Variants in TAFA1 observed in about 807,000 individuals in gnomAD.
The protein encoded by TAFA1 is TAFA chemokine like family member 1, also known as chemokine-like protein TAFA-1.
Under a neutral mutation model 18.5 loss-of-function variants are expected in TAFA1, and 4 were observed. The ratio of observed to expected loss-of-function variants is 0.22; its 90% confidence interval spans 0.11 to 0.49. TAFA1 has a LOEUF of 0.49. Among genes scored for constraint, TAFA1 ranks in the 20% least tolerant of loss-of-function variants. TAFA1 has a pLI of 0.98. For missense variants in TAFA1, 147 were observed against 169.0 expected, an observed-to-expected ratio of 0.87 and a Z score of 0.72; for synonymous variants, 56 against 55.2, an observed-to-expected ratio of 1.01 and a Z score of -0.06.
In TAFA1 at chr3:68,429,889, A is replaced by G. The variant is rs183690836; in HGVS notation, c.259+12469A>G. Among the ~76,000 whole-genome samples the G allele has an allele frequency of 2.0e-3, 300 of 151,892 alleles. 2 individuals carry two copies. Among genetic ancestry groups the G allele is most frequent in the African/African-American group, 6.8e-3 (282 of 41,472 alleles). On this transcript the variant is annotated intron_variant, in intron 3 of 4. Transcript: ENST00000478136. Reference sequence around the variant, plus strand: ...AACAGCCTGTATAACATTTCTCATAACTCACTGTAATGTACTATAATCTTT... The same window carrying G: ...AACAGCCTGTATAACATTTCTCATAGCTCACTGTAATGTACTATAATCTTT...
At chr3:68,424,908 C>A (rs2071023201) in intron 3 of TAFA1, among the ~76,000 whole-genome samples, 1 of 151,918 alleles carries the variant, frequency 6.6e-6, no homozygotes, top group Non-Finnish European at 1.5e-5. Flanking sequence ...GACTTGGGGC[C>A]ATGATGCTGT....
At chr3:68,383,542 G>C (rs1370076482) in intron 2 of TAFA1, among the ~76,000 whole-genome samples, 2 of 151,972 alleles carry the variant, frequency 1.3e-5, no homozygotes, top group African/African-American at 4.8e-5. Context: ...TACTTGATCG[G>C]GTGGAGAAGC....
At chr3:68,040,259 C>A (rs528375628) in intron 2 of TAFA1, among the ~76,000 whole-genome samples, 6 of 152,294 alleles carry the variant, frequency 3.9e-5, no homozygotes, top group Non-Finnish European at 8.8e-5. Context: ...CTCACCTGCT[C>A]CATCGTTCAG....
At chr3:68,396,873 A>G (rs1025251868) in intron 2 of TAFA1, among the ~76,000 whole-genome samples, 4 of 152,206 alleles carry the variant, frequency 2.6e-5, no homozygotes, top group Non-Finnish European at 5.9e-5. Context: ...GAATAGAATA[A>G]GAACATTTTT....
chr3:68,503,518 G>C (rs2072696459), intron 3 of TAFA1, among the ~76,000 whole-genome samples: 1 of 152,088 alleles, frequency 6.6e-6, no homozygotes, highest in Non-Finnish European at 1.5e-5. Context: ...AGGTCAATAG[G>C]GGCTGTGAGG....
intron 3 of TAFA1, among the ~76,000 whole-genome samples, chr3:68,436,790 G>T (rs530261545): frequency 6.6e-6 from 1 of 152,214 alleles, no homozygotes; most frequent in South Asian, 2.1e-4. Flanking sequence ...AATGAACAGC[G>T]AGTCACTGGT....
Position 68,086,312 on chromosome 3 carries a change from T to G in TAFA1, c.118+79568T>G, listed in dbSNP as rs549986003. Reference sequence around the variant, plus strand: ...AACCAGGGTCAGGTGTCAGTAACTGTGTAGAATACAGGGTATCTTTAGGGC... The same window carrying G: ...AACCAGGGTCAGGTGTCAGTAACTGGGTAGAATACAGGGTATCTTTAGGGC... On this transcript the variant is annotated intron_variant, in intron 2 of 4. Transcript: ENST00000478136. Among the ~76,000 whole-genome samples, 3 of 152,346 alleles carry G rather than the reference T, an allele frequency of 2.0e-5. No individual in the cohort carries two copies. In the South Asian group the frequency reaches 6.2e-4, roughly 32 times the overall value.
Position 68,062,787 on chromosome 3 carries a change from C to T in TAFA1, c.118+56043C>T, listed in dbSNP as rs188505124. On this transcript the variant is annotated intron_variant, in intron 2 of 4. Coordinates refer to ENST00000478136, the MANE Select transcript of TAFA1 (RefSeq NM_213609.4). ...TGGCTTGGTTAAGAGATAACCATAACGAAGAAGCAGTCCTCATGGGTTGAA... is the reference window on the plus strand; with the variant it reads ...TGGCTTGGTTAAGAGATAACCATAATGAAGAAGCAGTCCTCATGGGTTGAA... Among the ~76,000 whole-genome samples the T allele has an allele frequency of 2.0e-3, 302 of 152,264 alleles. 2 individuals are homozygous for T. The highest frequency in any genetic ancestry group is 6.8e-3 in the African/African-American group (283 of 41,538).
In TAFA1 at chr3:68,429,329, A is replaced by G. The variant is rs191740269; in HGVS notation, c.259+11909A>G. Reference sequence around the variant, plus strand: ...CCAGACTCTGTGTATTGAATTTATTACTTATATCATCCTTATAATAGCCTT... The same window carrying G: ...CCAGACTCTGTGTATTGAATTTATTGCTTATATCATCCTTATAATAGCCTT... On this transcript the variant is annotated intron_variant, in intron 3 of 4. Coordinates refer to ENST00000478136, the MANE Select transcript of TAFA1 (RefSeq NM_213609.4). Among the ~76,000 whole-genome samples the G allele has an allele frequency of 2.4e-4, 36 of 152,050 alleles. No individual in the cohort carries two copies. The East Asian group carries it at 7.0e-3, about 30-fold the overall frequency.
At chr3:68,482,254 G>A (rs754119313) in intron 3 of TAFA1, among the ~76,000 whole-genome samples, 9 of 152,114 alleles carry the variant, frequency 5.9e-5, no homozygotes, top group Non-Finnish European at 1.2e-4. Context: ...TGATCCGCCC[G>A]CCTCGGCCTC....
chr3:68,383,106 A>C (rs1336650160), intron 2 of TAFA1, among the ~76,000 whole-genome samples: 2 of 152,178 alleles, frequency 1.3e-5, no homozygotes, highest in Non-Finnish European at 2.9e-5. Context: ...CTTTGGGCTG[A>C]GACTATAGGG....
At chr3:68,331,644 G>GACTCTGAA (rs1173430756) in intron 2 of TAFA1, among the ~76,000 whole-genome samples, 1 of 152,040 alleles carries the variant, frequency 6.6e-6, no homozygotes, top group Non-Finnish European at 1.5e-5. Flanking sequence ...ATCACAAAAA[G>GACTCTGAA]ACTCTGAATA....
the TAFA1 span, among the ~76,000 whole-genome samples, chr3:67,993,054 T>A: frequency 6.6e-6 from 1 of 152,206 alleles, no homozygotes; most frequent in South Asian, 2.1e-4. Context: ...TGGAAGAAAG[T>A]AAGATGCTTG....
At chr3:68,203,645 C>T (rs2066492688) in intron 2 of TAFA1, among the ~76,000 whole-genome samples, 1 of 151,546 alleles carries the variant, frequency 6.6e-6, no homozygotes, top group African/African-American at 2.4e-5. Context: ...TTTCCTTCCC[C>T]CTTGGGTGAT....
chr3:68,523,235 T>C (rs1317787149), intron 3 of TAFA1, among the ~76,000 whole-genome samples: 1 of 152,234 alleles, frequency 6.6e-6, no homozygotes, highest in Non-Finnish European at 1.5e-5. Flanking sequence ...GTTGTTTTTA[T>C]AAACACGCAG....
chr3:68,172,429 G>T (rs1243266019), intron 2 of TAFA1, among the ~76,000 whole-genome samples: 1 of 152,126 alleles, frequency 6.6e-6, no homozygotes, highest in Non-Finnish European at 1.5e-5. Flanking sequence ...GAACCCTCAT[G>T]CATGCATACA....
At chr3:68,290,611 C>T (rs1373560990) in intron 2 of TAFA1, among the ~76,000 whole-genome samples, 1 of 152,090 alleles carries the variant, frequency 6.6e-6, no homozygotes, top group Non-Finnish European at 1.5e-5. Context: ...TACAAGATAA[C>T]AAGCTTTGAC....
At chr3:68,235,768 C>A (rs1405330720) in intron 2 of TAFA1, among the ~76,000 whole-genome samples, 3 of 152,078 alleles carry the variant, frequency 2.0e-5, no homozygotes, top group African/African-American at 7.2e-5. Context: ...TGTCTTTTTG[C>A]TGGACTTAAA....
intron 3 of TAFA1, among the ~76,000 whole-genome samples, chr3:68,465,470 T>A (rs1402206374): frequency 6.6e-6 from 1 of 152,216 alleles, no homozygotes; most frequent in Non-Finnish European, 1.5e-5. Context: ...TATCTGTGTG[T>A]AAATTTGCTA....
Sources: allele counts gnomAD v4.1 joint callset (sites outside exome capture counted in the v4.1 genomes callset), GRCh38; gene constraint gnomAD v4.1.1; transcripts MANE v1.5; gene names NCBI Gene and HGNC (gene_info 2026-07-23, HGNC 2026-07-21).